Variants in PRKN observed in about 807,000 individuals in gnomAD.
PRKN encodes parkin RBR E3 ubiquitin protein ligase.
PRKN carries 56 observed loss-of-function variants against 59.5 expected under a neutral mutation model. The ratio of observed to expected loss-of-function variants is 0.94; its 90% CI spans 0.76 to 1.18. The LOEUF is 1.18. Ranked by LOEUF, PRKN falls within the 50% of genes most tolerant of loss-of-function variation. The pLI, the probability that PRKN is intolerant of heterozygous loss-of-function variation, is 0.00. For missense variants in PRKN, 657 were observed against 596.4 expected (o/e 1.10, Z -1.06); for synonymous variants, 250 against 222.1 (o/e 1.13, Z -1.12).
At chr6:161,725,535 A>C (rs973673773) in intron 7 of PRKN, among the ~76,000 whole-genome samples, 2 of 152,228 alleles carry the variant, frequency 1.3e-5, no homozygotes, top group Non-Finnish European at 2.9e-5. Flanking sequence ...TTTAAGGTAC[A>C]AATTTCAAAG....
chr6:162,481,489 T>G (rs149130668), intron 1 of PRKN, among the ~76,000 whole-genome samples: 246 of 152,276 alleles, frequency 1.6e-3, no homozygotes, highest in South Asian at 4.1e-3. Context: ...ATGTTTCCAT[T>G]AAGTGGAAAT....
intron 4 of PRKN, among the ~76,000 whole-genome samples, chr6:162,091,366 T>G (rs1393295694): frequency 6.6e-6 from 1 of 152,172 alleles, no homozygotes; most frequent in East Asian, 1.9e-4. Flanking sequence ...AGCTTATACT[T>G]CTCCCATTTG....
At chr6:161,964,640 T>C (rs773848828) in intron 6 of PRKN, among the ~76,000 whole-genome samples, 2 of 152,062 alleles carry the variant, frequency 1.3e-5, no homozygotes. Flanking sequence ...GGGAGAAATA[T>C]ATAGCTCTGT....
Position 162,423,064 on chromosome 6 carries a change from A to G in PRKN, c.171+20246T>C, listed in dbSNP as rs73604256. ...TTCATTGCTTCTATAGTACATATTA[A>G]TATTACAAAGAAATCTGAATTGGAA... On this transcript the variant is annotated intron_variant, in intron 2 of 11. Coordinates refer to ENST00000366898, the MANE Select transcript of PRKN (RefSeq NM_004562.3). Among the ~76,000 whole-genome samples the G allele has an allele frequency of 4.0e-3, 603 of 152,060 alleles. 7 individuals carry two copies. Among genetic ancestry groups the G allele is most frequent in the African/African-American group, 0.014 (579 of 41,470 alleles).
intron 2 of PRKN, among the ~76,000 whole-genome samples, chr6:162,296,402 A>G (rs1781680463): frequency 6.6e-6 from 1 of 151,808 alleles, no homozygotes; most frequent in Non-Finnish European, 1.5e-5. Flanking sequence ...TGAGTCTGAT[A>G]CTCATATCAC....
chr6:162,658,686 A>AAAAAAG (rs1305049893), intron 1 of PRKN, among the ~76,000 whole-genome samples: 1 of 103,428 alleles, frequency 9.7e-6, no homozygotes, highest in Non-Finnish European at 2.3e-5. Context: ...AAAAAAAAAG[A>AAAAAAG]AAAAAGAAAA....
At chr6:162,572,423 C>T (rs985895779) in intron 1 of PRKN, among the ~76,000 whole-genome samples, 1 of 152,108 alleles carries the variant, frequency 6.6e-6, no homozygotes, top group African/African-American at 2.4e-5. Flanking sequence ...GCTTTGTAAT[C>T]CAGCTTAGCT....
At chr6:161,610,207 T>C (rs945496655) in intron 7 of PRKN, among the ~76,000 whole-genome samples, 1 of 152,108 alleles carries the variant, frequency 6.6e-6, no homozygotes, top group African/African-American at 2.4e-5. Context: ...AGAGGGCAAC[T>C]TGCCCAGCGT....
At chr6:162,213,913 T>C (rs913312018) in intron 3 of PRKN, among the ~76,000 whole-genome samples, 60 of 151,264 alleles carry the variant, frequency 4.0e-4, no homozygotes, top group Non-Finnish European at 8.8e-5. Flanking sequence ...TGATGTCCTA[T>C]TCTGGAATTA....
intron 1 of PRKN, among the ~76,000 whole-genome samples, chr6:162,717,507 A>G (rs922343691): frequency 4.7e-5 from 7 of 149,572 alleles, no homozygotes; most frequent in Admixed American, 3.4e-4. Context: ...TCAAGGTTGC[A>G]GTGAGCTGTG....
chr6:162,671,910 G>A (rs1446533288), intron 1 of PRKN, among the ~76,000 whole-genome samples: 1 of 152,088 alleles, frequency 6.6e-6, no homozygotes, highest in African/African-American at 2.4e-5. Flanking sequence ...GAGGGACAGG[G>A]AGGAAGACAG....
chr6:162,645,095 C>T (rs1238844403), intron 1 of PRKN, among the ~76,000 whole-genome samples: 1 of 151,996 alleles, frequency 6.6e-6, no homozygotes, highest in Non-Finnish European at 1.5e-5. Flanking sequence ...AATTCCATGT[C>T]TTTATTTTTC....
intron 2 of PRKN, among the ~76,000 whole-genome samples, chr6:162,358,970 GA>G (rs2128133257): frequency 6.8e-6 from 1 of 147,720 alleles, no homozygotes; most frequent in African/African-American, 2.5e-5. Context: ...TGAGTCAGGA[GA>G]ATCATTTGAA....
intron 2 of PRKN, among the ~76,000 whole-genome samples, chr6:162,352,877 T>C (rs1157093477): frequency 1.3e-5 from 2 of 152,178 alleles, no homozygotes; most frequent in East Asian, 1.9e-4. Flanking sequence ...GCACCTATAA[T>C]GGCATAATTT....
At chr6:161,648,383 C>T (rs6455752) in intron 7 of PRKN, among the ~76,000 whole-genome samples, 75,942 of 151,904 alleles carry the variant, frequency 0.5, 21,903 homozygotes, top group African/African-American at 0.81. Context: ...ATCAATAGAT[C>T]GGGGGCAAGG....
At chr6:162,007,727 C>T (rs189684120) in intron 5 of PRKN, among the ~76,000 whole-genome samples, 2 of 152,094 alleles carry the variant, frequency 1.3e-5, no homozygotes, top group Non-Finnish European at 2.9e-5. Context: ...ATAAGGAAAA[C>T]GGCTTAGCAT....
intron 1 of PRKN, among the ~76,000 whole-genome samples, chr6:162,621,874 G>A (rs1172536503): frequency 6.6e-6 from 1 of 152,074 alleles, no homozygotes; most frequent in African/African-American, 2.4e-5. Flanking sequence ...GGAGGGCAGT[G>A]GCACCATCTC....
chr6:162,678,837 C>G (rs780210217), intron 1 of PRKN, among the ~76,000 whole-genome samples: 29 of 152,172 alleles, frequency 1.9e-4, no homozygotes, highest in Non-Finnish European at 4.4e-5. Context: ...TGCAGTGGTG[C>G]GATCTTGGCT....
intron 9 of PRKN, among the ~76,000 whole-genome samples, chr6:161,519,894 T>C (rs1205289627): frequency 6.6e-6 from 1 of 152,174 alleles, no homozygotes; most frequent in Non-Finnish European, 1.5e-5. Context: ...TCATTCAGTC[T>C]GAAACCACCT....
Sources: allele counts gnomAD v4.1 joint callset (sites outside exome capture counted in the v4.1 genomes callset), GRCh38; gene constraint gnomAD v4.1.1; transcripts MANE v1.5; gene names NCBI Gene and HGNC (gene_info 2026-07-23, HGNC 2026-07-21).